Variants in SPOCK1 observed in about 807,000 individuals in gnomAD.
SPOCK1 encodes the protein SPARC (osteonectin), cwcv and kazal like domains proteoglycan 1, also known as testican-1.
A neutral mutation model predicts 55.3 loss-of-function variants in SPOCK1; 23 were observed. The ratio of observed to expected loss-of-function variants is 0.42; its 90% confidence interval spans 0.30 to 0.59. The LOEUF is 0.59. SPOCK1 is among the 20% of genes least tolerant of loss of function. SPOCK1 has a pLI of 0.22. For synonymous variants in SPOCK1, 226 were observed against 221.0 expected, an observed-to-expected ratio of 1.02 and a Z score of -0.20; for missense variants, 499 against 552.5, an observed-to-expected ratio of 0.90 and a Z score of 0.97.
chr5:137,199,257 G>T (rs964770352), intron 3 of SPOCK1, among the ~76,000 whole-genome samples: 1 of 152,164 alleles, frequency 6.6e-6, no homozygotes, highest in Admixed American at 6.5e-5. Flanking sequence ...TGAACCCTGT[G>T]TTCAGAAGAA....
intron 3 of SPOCK1, among the ~76,000 whole-genome samples, chr5:137,243,669 A>G (rs1013023909): frequency 2.0e-5 from 3 of 152,232 alleles, no homozygotes; most frequent in Admixed American, 1.3e-4. Context: ...GAAAAATGCC[A>G]TAATTTAAGA....
intron 2 of SPOCK1, among the ~76,000 whole-genome samples, chr5:137,445,594 A>G (rs934949796): frequency 1.3e-5 from 2 of 152,196 alleles, no homozygotes; most frequent in African/African-American, 4.8e-5. Context: ...ATTTCCCAAG[A>G]AAGGTTAATT....
At chr5:137,278,603 C>A (rs144329881) in intron 2 of SPOCK1, among the ~76,000 whole-genome samples, 1 of 152,250 alleles carries the variant, frequency 6.6e-6, no homozygotes, top group Non-Finnish European at 1.5e-5. Flanking sequence ...CCAAAGGCTG[C>A]GGGGTCAAGG....
At chr5:137,003,722 C>T (rs1751189250) in intron 6 of SPOCK1, among the ~76,000 whole-genome samples, 1 of 152,102 alleles carries the variant, frequency 6.6e-6, no homozygotes, top group Admixed American at 6.5e-5. Flanking sequence ...ATCCCAGAAG[C>T]ATCAAAATAT....
At chr5:137,342,898 T>C (rs1750468408) in intron 2 of SPOCK1, among the ~76,000 whole-genome samples, 2 of 152,236 alleles carry the variant, frequency 1.3e-5, no homozygotes, top group South Asian at 2.1e-4. Flanking sequence ...AAGTACAATA[T>C]CTATATTCTC....
intron 6 of SPOCK1, among the ~76,000 whole-genome samples, chr5:137,043,035 T>C (rs1752030666): frequency 6.6e-6 from 1 of 152,118 alleles, no homozygotes; most frequent in Non-Finnish European, 1.5e-5. Context: ...AAGTTGCTGA[T>C]TCTATGGCTG....
intron 3 of SPOCK1, among the ~76,000 whole-genome samples, chr5:137,165,393 A>G (rs1318978698): frequency 2.0e-5 from 3 of 152,220 alleles, no homozygotes; most frequent in Non-Finnish European, 4.4e-5. Context: ...TATACAGTTT[A>G]TCACAACACC....
chr5:137,258,717 G>C (rs1369995285), intron 3 of SPOCK1, among the ~76,000 whole-genome samples: 2 of 152,134 alleles, frequency 1.3e-5, no homozygotes, highest in Non-Finnish European at 2.9e-5. Flanking sequence ...TTATGAGTTT[G>C]GGGAAAGGTA....
intron 3 of SPOCK1, among the ~76,000 whole-genome samples, chr5:137,241,699 A>G (rs180711387): frequency 5.2e-4 from 79 of 152,316 alleles, no homozygotes; most frequent in African/African-American, 1.8e-3. Context: ...GCACAGCAAG[A>G]AGGCCTCACT....
chr5:137,404,167 G>C (rs1388893769), intron 2 of SPOCK1, among the ~76,000 whole-genome samples: 1 of 152,120 alleles, frequency 6.6e-6, no homozygotes, highest in Non-Finnish European at 1.5e-5. Flanking sequence ...TGGCCAAACT[G>C]ATAAATTAAA....
chr5:137,361,393 T>A (rs1366983257), intron 2 of SPOCK1, among the ~76,000 whole-genome samples: 2 of 152,118 alleles, frequency 1.3e-5, no homozygotes, highest in East Asian at 3.8e-4. Flanking sequence ...TGTATCAGAG[T>A]CACCTAACAG....
At chr5:137,040,259 A>G (rs1428825843) in intron 6 of SPOCK1, among the ~76,000 whole-genome samples, 1 of 152,228 alleles carries the variant, frequency 6.6e-6, no homozygotes, top group Non-Finnish European at 1.5e-5. Flanking sequence ...GTTAACAGCA[A>G]GCTAGCACTT....
At chr5:137,465,030 G>A (rs570510916) in intron 2 of SPOCK1, among the ~76,000 whole-genome samples, 1 of 152,238 alleles carries the variant, frequency 6.6e-6, no homozygotes, top group South Asian at 2.1e-4. Flanking sequence ...AACCTTGAGA[G>A]AACAACGCTA....
intron 7 of SPOCK1, among the ~76,000 whole-genome samples, chr5:136,990,402 A>ATGAC (rs1750924729): frequency 6.6e-6 from 1 of 151,554 alleles, no homozygotes; most frequent in Non-Finnish European, 1.5e-5. Flanking sequence ...AGCCTCAGGC[A>ATGAC]TGACAGGAAT....
chr5:137,379,383 T>C (rs1751407439), intron 2 of SPOCK1, among the ~76,000 whole-genome samples: 2 of 152,182 alleles, frequency 1.3e-5, no homozygotes, highest in Non-Finnish European at 2.9e-5. Context: ...AGATCAAACA[T>C]ATACAGATTT....
chr5:137,134,124 G>T (rs566406712), intron 4 of SPOCK1, among the ~76,000 whole-genome samples: 1 of 152,278 alleles, frequency 6.6e-6, no homozygotes, highest in Non-Finnish European at 1.5e-5. Flanking sequence ...TCCCCTTACT[G>T]GCAGTGTCCA....
intron 10 of SPOCK1, among the ~76,000 whole-genome samples, chr5:136,979,063 G>T (rs1750673377): frequency 6.6e-6 from 1 of 152,090 alleles, no homozygotes; most frequent in Non-Finnish European, 1.5e-5. Flanking sequence ...TTCCCAGGAG[G>T]TTTACAACCC....
At chr5:137,012,761 T>C (rs1352878768) in intron 6 of SPOCK1, among the ~76,000 whole-genome samples, 1 of 152,124 alleles carries the variant, frequency 6.6e-6, no homozygotes, top group East Asian at 1.9e-4. Context: ...CTGTAATACT[T>C]AAGTCGAAAA....
chr5:137,471,207 A>G (rs1753731148), intron 2 of SPOCK1, among the ~76,000 whole-genome samples: 2 of 152,224 alleles, frequency 1.3e-5, no homozygotes, highest in Admixed American at 1.3e-4. Context: ...TGATCTATTC[A>G]GATGACATAG....
Sources: allele counts gnomAD v4.1 joint callset (sites outside exome capture counted in the v4.1 genomes callset), GRCh38; gene constraint gnomAD v4.1.1; transcripts MANE v1.5; gene names NCBI Gene and HGNC (gene_info 2026-07-23, HGNC 2026-07-21).